The following HPGD variants were observed in gnomAD, a reference collection of about 807,000 sequenced individuals.
The protein encoded by HPGD is 15-hydroxyprostaglandin dehydrogenase.
HPGD carries 29 observed loss-of-function variants against 30.0 expected under a neutral mutation model. That is an observed-to-expected ratio of 0.97 (90% CI 0.72 to 1.32). The LOEUF (loss-of-function observed/expected upper bound fraction) is 1.32, where lower values mean the gene tolerates loss of function less well. Among genes scored for constraint, HPGD ranks in the 40% most tolerant of loss-of-function variants. HPGD has a pLI of 0.00. For synonymous variants in HPGD, 99 were observed against 112.4 expected (o/e 0.88, Z 0.75); for missense variants, 340 against 322.1 (o/e 1.06, Z -0.43).
intron 1 of HPGD, 107 bp downstream of exon 1, chr4:174,522,252 G>A: frequency 2.9e-6 from 4 of 1,364,138 alleles, no homozygotes; most frequent in East Asian, 2.5e-5. Flanking sequence ...TGGCAAAGTG[G>A]GCACGCCGGG....
At chr4:174,499,960 GAC>G (rs10659517) in intron 4 of HPGD, among the ~76,000 whole-genome samples, 13 of 150,024 alleles carry the variant, frequency 8.7e-5, no homozygotes, top group Non-Finnish European at 1.6e-4. Context: ...ATCTTTGTAT[GAC>G]ACACACACAC....
intron 3 of HPGD, among the ~76,000 whole-genome samples, chr4:174,513,863 A>G (rs1735640310): frequency 6.6e-6 from 1 of 152,036 alleles, no homozygotes; most frequent in Non-Finnish European, 1.5e-5. Context: ...TTAAAAATCA[A>G]TAAATTGCAA....
At chr4:174,510,270 T>C (rs1007666093) in intron 3 of HPGD, among the ~76,000 whole-genome samples, 1 of 116,690 alleles carries the variant, frequency 8.6e-6, no homozygotes, top group East Asian at 5.3e-4. Flanking sequence ...ATGTGTCAAT[T>C]TGACAGTAAG....
intron 2 of HPGD, among the ~76,000 whole-genome samples, chr4:174,521,574 GAGA>G (rs1736124187): frequency 6.6e-6 from 1 of 152,200 alleles, no homozygotes; most frequent in South Asian, 2.1e-4. Context: ...AGCTTTCTGG[GAGA>G]AGTTGTTTGT....
At chr4:174,502,330 C>G (rs554865841) in intron 4 of HPGD, among the ~76,000 whole-genome samples, 1 of 152,102 alleles carries the variant, frequency 6.6e-6, no homozygotes, top group Admixed American at 6.5e-5. Context: ...TGTTTTTTTT[C>G]TCATTCTTAT....
At chr4:174,495,166 C>G (rs1039084317) in intron 5 of HPGD, among the ~76,000 whole-genome samples, 2 of 152,082 alleles carry the variant, frequency 1.3e-5, no homozygotes, top group African/African-American at 2.4e-5. Context: ...CCTTCCAGCT[C>G]CATGTTCTCA....
chr4:174,493,578 T>C, intron 5 of HPGD: 1 of 380,182 alleles, frequency 2.6e-6, no homozygotes, highest in South Asian at 2.7e-5. Context: ...TAAGCTTCTC[T>C]TATCTACTGA....
chr4:174,511,380 T>C (rs753525607), intron 3 of HPGD, among the ~76,000 whole-genome samples: 2 of 152,334 alleles, frequency 1.3e-5, no homozygotes, highest in South Asian at 2.1e-4. Context: ...TTTTAACTCA[T>C]GCAAAAATTC....
intron 2 of HPGD, 84 bp downstream of exon 2, chr4:174,521,860 C>T: frequency 6.4e-7 from 1 of 1,552,294 alleles, no homozygotes; most frequent in Non-Finnish European, 8.9e-7. Flanking sequence ...GAGGCGGCAC[C>T]CAGGGCCCCC....
chr4:174,492,199 G>T lies in HPGD; in HGVS notation c.663-105C>A. 9.6e-7 allele frequency: 1 copy of T among 1,041,270 alleles called. No homozygotes were observed. The highest frequency in any genetic ancestry group is 1.5e-6 in the Non-Finnish European group (1 of 676,626). The allele number at this position is 1,041,270 out of a possible 1,614,324, so 64.5% of individuals were successfully genotyped here. On this transcript the variant is annotated intron_variant, in intron 6 of 6. Transcript: ENST00000296522. This position sits in a 1 kb window ranked among gnomAD's most constrained non-coding sequence, Gnocchi z 4.9. Reference sequence around the variant, plus strand: ...TCTATTAAGTTGAACATGTTATAGGGAAATGTGTGTCATTAAACTATTGCT... The same window carrying T: ...TCTATTAAGTTGAACATGTTATAGGTAAATGTGTGTCATTAAACTATTGCT...
At position 174,508,803 on chromosome 4, in the gene HPGD, G is replaced by C. The variant is rs781700657; in HGVS notation, c.325-11C>G. 5 of 1,423,254 alleles carry C rather than the reference G, an allele frequency of 3.5e-6. No individual in the cohort carries two copies. The allele number at this position is 1,423,254 out of a possible 1,614,324, so 88.2% of individuals were successfully genotyped here. A position where few individuals can be genotyped will look rare whatever the true frequency, so the allele number is the denominator to read the frequency against. On this transcript the variant is annotated splice_polypyrimidine_tract_variant and intron_variant, in intron 3 of 6. Transcript: ENST00000296522. ...ACTGATAACAGAAACCTAATCCAGA[G>C]GCATAAGTGAGAAAAGGAATACAGT...
intron 4 of HPGD, among the ~76,000 whole-genome samples, chr4:174,506,042 C>T (rs1735169555): frequency 6.6e-6 from 1 of 152,190 alleles, no homozygotes; most frequent in Admixed American, 6.5e-5. Flanking sequence ...AATGCCCACA[C>T]ATGATTGCAA....
rs574886953 is a variant in HPGD, at chr4:174,490,730, A to G, written c.*1226T>C. On this transcript the variant is annotated 3_prime_UTR_variant, in exon 7 of 7. Coordinates refer to ENST00000296522, the MANE Select transcript of HPGD (RefSeq NM_000860.6). The surrounding 1 kb of genome is among the most constrained non-coding windows in gnomAD (Gnocchi z 4.4). ...ACATTCCAGTACTTCTAGGAAATCC[A>G]TATCAATCTCACATGGAAAGATTTG... is the stretch of plus-strand genomic sequence containing the variant. 3 of 152,452 alleles carry G rather than the reference A, an allele frequency of 2.0e-5. No homozygotes were observed. The highest frequency in any genetic ancestry group is 1.3e-4 in the Admixed American group (2 of 15,302). 9.4% of individuals were successfully genotyped at this position (152,452 alleles called of 1,614,324 possible). A position where few individuals can be genotyped will look rare whatever the true frequency, so the allele number is the denominator to read the frequency against.
At chr4:174,493,371 A>C (rs999148542) in intron 5 of HPGD, 57 bp from the exon 6 acceptor site, 42 of 1,517,564 alleles carry the variant, frequency 2.8e-5, no homozygotes, top group Non-Finnish European at 3.8e-5. Context: ...GCACAGGACA[A>C]ACTGATCATT....
chr4:174,520,196 C>T (rs1736029403), intron 2 of HPGD, among the ~76,000 whole-genome samples: 1 of 152,108 alleles, frequency 6.6e-6, no homozygotes, highest in Admixed American at 6.5e-5. Context: ...TATACTCTGC[C>T]CTTACCAATG....
intron 4 of HPGD, among the ~76,000 whole-genome samples, chr4:174,504,020 G>A (rs62338685): frequency 0.027 from 4,175 of 152,174 alleles, 145 homozygotes; most frequent in East Asian, 0.17. Context: ...CATGACACCT[G>A]GCCAATGCTT....
At chr4:174,497,568 C>CCTTTTTTTTTTTTTTT (rs1560976894) in intron 4 of HPGD, among the ~76,000 whole-genome samples, 1 of 51,114 alleles carries the variant, frequency 2.0e-5, no homozygotes. Flanking sequence ...CTTTTTCTTT[C>CCTTTTTTTTTTTTTTT]TTTTTTTTTT....
intron 1 of HPGD, 26 bp downstream of exon 1, chr4:174,522,333 T>C (rs775606925): frequency 9.7e-6 from 15 of 1,547,156 alleles, no homozygotes; most frequent in Non-Finnish European, 1.2e-5. Flanking sequence ...GGCAGAGAAA[T>C]TTCCGCGGCT....
At chr4:174,518,174 C>T (rs1388369313) in intron 2 of HPGD, 97 bp from the exon 3 acceptor site, 10 of 665,374 alleles carry the variant, frequency 1.5e-5, no homozygotes, top group Non-Finnish European at 2.7e-5. Context: ...GTTTATTTAC[C>T]CTCATAGTGA....
Sources: allele counts gnomAD v4.1 joint callset (sites outside exome capture counted in the v4.1 genomes callset), GRCh38; gene constraint gnomAD v4.1.1; non-coding constraint Gnocchi (gnomAD v3.1); transcripts MANE v1.5; gene names NCBI Gene and HGNC (gene_info 2026-07-23, HGNC 2026-07-21).